SGPP2: variants seen among roughly 807,000 people sequenced by gnomAD.
SGPP2 encodes the protein sphingosine-1-phosphate phosphatase 2.
SGPP2 carries 30 observed loss-of-function variants against 33.9 expected under a neutral mutation model. That is an observed-to-expected ratio of 0.89 (90% CI 0.66 to 1.20). SGPP2 has a LOEUF of 1.20. SGPP2 is among the 50% of genes most tolerant of loss of function. The probability of loss-of-function intolerance (pLI) is 0.00; values close to 1 mark genes in which losing one functional copy is unlikely to be tolerated. For missense variants in SGPP2, 458 were observed against 532.1 expected (o/e 0.86, Z 1.37); for synonymous variants, 233 against 225.0 (o/e 1.04, Z -0.32).
intron 1 of SGPP2, among the ~76,000 whole-genome samples, chr2:222,461,809 T>G (rs1454928997): frequency 6.6e-6 from 1 of 152,194 alleles, no homozygotes; most frequent in Non-Finnish European, 1.5e-5. Context: ...TGGTTCCTAA[T>G]GGAACCAGTC....
chr2:222,539,640 C>G (rs1033464426), intron 4 of SGPP2, among the ~76,000 whole-genome samples: 5 of 152,226 alleles, frequency 3.3e-5, no homozygotes, highest in African/African-American at 1.2e-4. Context: ...CTTAGTCCTG[C>G]TGTTGGAGCT....
intron 2 of SGPP2, among the ~76,000 whole-genome samples, chr2:222,512,521 T>C (rs1345895522): frequency 6.6e-6 from 1 of 152,140 alleles, no homozygotes; most frequent in Non-Finnish European, 1.5e-5. Context: ...TAGGGTTCAT[T>C]CTTGGTGCTG....
intron 1 of SGPP2, chr2:222,452,975 G>A (rs1242040498): frequency 1.3e-6 from 2 of 1,584,366 alleles, no homozygotes; most frequent in Non-Finnish European, 1.7e-6. Flanking sequence ...ATCTATCATT[G>A]AGTACACACA....
At chr2:222,529,868 T>A (rs114003330) in intron 4 of SGPP2, among the ~76,000 whole-genome samples, 2,424 of 152,352 alleles carry the variant, frequency 0.016, 22 homozygotes, top group Admixed American at 0.024. Flanking sequence ...TCACTATCTA[T>A]GGTAGCTATA....
intron 4 of SGPP2, among the ~76,000 whole-genome samples, chr2:222,546,351 G>A (rs1421660509): frequency 6.6e-6 from 1 of 152,036 alleles, no homozygotes. Context: ...CTTCCCCATT[G>A]TAATAACATT....
At chr2:222,526,806 T>C (rs527438845) in intron 4 of SGPP2, among the ~76,000 whole-genome samples, 11 of 152,224 alleles carry the variant, frequency 7.2e-5, no homozygotes, top group Non-Finnish European at 1.3e-4. Context: ...AAATGGGAGT[T>C]GAACAGTGAA....
At chr2:222,451,397 G>A (rs1381453393) in intron 1 of SGPP2, among the ~76,000 whole-genome samples, 1 of 152,244 alleles carries the variant, frequency 6.6e-6, no homozygotes, top group Non-Finnish European at 1.5e-5. Flanking sequence ...TAGAAAGTAT[G>A]TGACCACACA....
At chr2:222,515,765 G>A (rs1246208792) in intron 2 of SGPP2, among the ~76,000 whole-genome samples, 5 of 152,148 alleles carry the variant, frequency 3.3e-5, no homozygotes, top group African/African-American at 4.8e-5. Flanking sequence ...AGGGTTGAGC[G>A]TGGTGGCTCA....
At position 222,427,268 on chromosome 2, in the gene SGPP2, T is replaced by C. The variant is rs534602343; in HGVS notation, c.219+2447T>C. On this transcript the variant is annotated intron_variant, in intron 1 of 4. Coordinates refer to ENST00000321276, the MANE Select transcript of SGPP2 (RefSeq NM_152386.4). ...GCAATATAAAATTATAGTTTTAAACTTTTTTTTTAAGAGACAGGGTCTTGC... is the reference window on the plus strand; with the variant it reads ...GCAATATAAAATTATAGTTTTAAACCTTTTTTTTAAGAGACAGGGTCTTGC... Among the ~76,000 whole-genome samples the C allele has an allele frequency of 6.5e-4, 98 of 151,680 alleles. 5 individuals carry two copies. In the South Asian group the frequency reaches 0.02, roughly 31 times the overall value.
chr2:222,475,415 G>T (rs34106652), intron 2 of SGPP2, among the ~76,000 whole-genome samples: 54,808 of 149,390 alleles, frequency 0.37, 10,830 homozygotes, highest in African/African-American at 0.55. Context: ...AGAGAAGAAA[G>T]GAACCTTTCT....
intron 2 of SGPP2, among the ~76,000 whole-genome samples, chr2:222,505,333 T>C (rs1391475353): frequency 1.3e-5 from 2 of 152,238 alleles, no homozygotes; most frequent in Non-Finnish European, 2.9e-5. Flanking sequence ...GTGCCCAGTA[T>C]GTGAGATGAG....
At chr2:222,452,684 G>C (rs1238559706) in intron 1 of SGPP2, 4 of 1,381,518 alleles carry the variant, frequency 2.9e-6, no homozygotes, top group Non-Finnish European at 4.1e-6. Context: ...TCAGGCTGTG[G>C]TTGCTGCAGC....
rs187194255 is a variant in SGPP2 at position 222,466,412 on chromosome 2, C to G, written c.220-8156C>G. ...TAGCTGGGACTACAAGCGCATGCCA[C>G]CATGCCTGGCTAATTTTTTGTATTT... On this transcript the variant is annotated intron_variant, in intron 1 of 4. Coordinates refer to ENST00000321276, the MANE Select transcript of SGPP2 (RefSeq NM_152386.4). Among the ~76,000 whole-genome samples, 17 of 152,162 alleles carry G rather than the reference C, an allele frequency of 1.1e-4. No individual in the cohort carries two copies. The East Asian group carries it at 3.3e-3, about 30-fold the overall frequency.
chr2:222,558,230 TA>T, intron 4 of SGPP2, 116 bp from the exon 5 acceptor site: 1 of 1,181,686 alleles, frequency 8.5e-7, no homozygotes, highest in Non-Finnish European at 1.2e-6. Flanking sequence ...TACTGTAAAA[TA>T]AAACAATGCA....
chr2:222,493,935 A>T (rs955841720), intron 2 of SGPP2, among the ~76,000 whole-genome samples: 7 of 152,244 alleles, frequency 4.6e-5, no homozygotes, highest in Non-Finnish European at 8.8e-5. Flanking sequence ...GAGAGAGAAT[A>T]GCCATAAAGG....
intron 2 of SGPP2, 40 bp from the exon 3 acceptor site, chr2:222,521,727 C>T (rs765920662): frequency 8.0e-5 from 125 of 1,558,262 alleles, no homozygotes; most frequent in Non-Finnish European, 1.1e-4. Flanking sequence ...ATTCATTTTC[C>T]TTATTTGATT....
intron 1 of SGPP2, among the ~76,000 whole-genome samples, chr2:222,428,173 G>A (rs1395977075): frequency 1.3e-5 from 2 of 152,048 alleles, no homozygotes; most frequent in African/African-American, 2.4e-5. Flanking sequence ...GGTGGAGATC[G>A]TGTGAAAAGA....
chr2:222,516,827 T>C (rs764172832), intron 2 of SGPP2, among the ~76,000 whole-genome samples: 1 of 152,244 alleles, frequency 6.6e-6, no homozygotes, highest in Non-Finnish European at 1.5e-5. Flanking sequence ...CTGACTATTA[T>C]AGTAATTTAT....
rs1689265838 is a variant in SGPP2, at chr2:222,550,066, G to C, written c.649-8281G>C. Among the ~76,000 whole-genome samples the C allele has an allele frequency of 2.6e-5, 4 of 151,956 alleles. No homozygotes were observed. In the South Asian group the frequency reaches 8.3e-4, roughly 31 times the overall value. Reference sequence around the variant, plus strand: ...TAATTTTTTTGTATTTTTTGGTAGAGACAGGGTTTCACCATATTGGCCAGA... The same window carrying C: ...TAATTTTTTTGTATTTTTTGGTAGACACAGGGTTTCACCATATTGGCCAGA... On this transcript the variant is annotated intron_variant, in intron 4 of 4. Coordinates refer to ENST00000321276, the MANE Select transcript of SGPP2 (RefSeq NM_152386.4). This position sits in a 1 kb window ranked among gnomAD's most constrained non-coding sequence, Gnocchi z 4.5.
Sources: gnomAD v4.1 joint callset for allele counts (sites outside exome capture counted in the v4.1 genomes callset) on GRCh38, gnomAD v4.1.1 for gene constraint, Gnocchi (gnomAD v3.1) non-coding constraint, MANE v1.5 for transcripts, NCBI Gene and HGNC (gene_info 2026-07-23, HGNC 2026-07-21) for gene names.